TMEM114: variants seen among roughly 807,000 people sequenced by gnomAD.
The protein encoded by TMEM114 is claudin-26.
In TMEM114, 6 loss-of-function variants were observed where a neutral mutation model predicts 6.2. The observed-to-expected ratio is 0.97, with a 90% CI of 0.53 to 1.91. The LOEUF (loss-of-function observed/expected upper bound fraction) is 1.91. TMEM114 is among the 40% of genes most tolerant of loss of function. TMEM114 has a pLI of 0.01. For synonymous variants in TMEM114, 104 were observed against 73.0 expected (o/e 1.42, Z -2.16); for missense variants, 218 against 158.3 (o/e 1.38, Z -2.02).
intron 2 of TMEM114, among the ~76,000 whole-genome samples, chr16:8,572,935 G>A (rs1468779615): frequency 6.6e-6 from 1 of 152,158 alleles, no homozygotes; most frequent in East Asian, 1.9e-4. Context: ...TGGCATTTTG[G>A]GGACAGCACT....
downstream of TMEM114, among the ~76,000 whole-genome samples, chr16:8,566,132 A>G (rs372076401): frequency 1.6e-4 from 25 of 152,318 alleles, no homozygotes; most frequent in South Asian, 2.1e-4. Context: ...GCACTTTGGG[A>G]GGCCAAGGTA....
downstream of TMEM114, among the ~76,000 whole-genome samples, chr16:8,567,499 G>T (rs551354928): frequency 2.6e-5 from 4 of 152,308 alleles, no homozygotes; most frequent in East Asian, 7.7e-4. Context: ...ATTATTGCTC[G>T]CTTAGCAGAG....
chr16:8,586,388 T>C (rs781138961), intron 2 of TMEM114, among the ~76,000 whole-genome samples: 2 of 152,010 alleles, frequency 1.3e-5, no homozygotes, highest in African/African-American at 4.8e-5. Flanking sequence ...GATGTGAACA[T>C]TGAGGCTCAG....
downstream of TMEM114, among the ~76,000 whole-genome samples, chr16:8,564,878 GGAGTGAATGAGTGAGT>G (rs1278655314): frequency 4.1e-4 from 13 of 32,046 alleles, 1 homozygote; most frequent in African/African-American, 1.5e-3. Flanking sequence ...AGGGAGGGAG[GGAGTGAATGAGTGAGT>G]GAGTGAATGA....
At chr16:8,527,595 T>C in the TMEM114 span, among the ~76,000 whole-genome samples, 1 of 152,202 alleles carries the variant, frequency 6.6e-6, no homozygotes, top group Non-Finnish European at 1.5e-5. Context: ...GCATTGAAAC[T>C]GTATTCTGTG....
At chr16:8,588,643 G>A (rs992412921) in intron 2 of TMEM114, among the ~76,000 whole-genome samples, 29 of 152,206 alleles carry the variant, frequency 1.9e-4, no homozygotes, top group Non-Finnish European at 1.6e-4. Flanking sequence ...AGGAATAAGA[G>A]GGACGCAGTG....
chr16:8,549,561 TAAG>T (rs1157374301), intron 2 of TMEM114, among the ~76,000 whole-genome samples: 1 of 148,506 alleles, frequency 6.7e-6, no homozygotes, highest in Non-Finnish European at 1.5e-5. Flanking sequence ...CTGAGAAAAA[TAAG>T]AAAGTTCACA....
downstream of TMEM114, among the ~76,000 whole-genome samples, chr16:8,565,431 A>G (rs1901508544): frequency 6.6e-6 from 1 of 152,178 alleles, no homozygotes; most frequent in Non-Finnish European, 1.5e-5. Flanking sequence ...GAGAGCGGCC[A>G]GTTGTTTGCC....
downstream of TMEM114, among the ~76,000 whole-genome samples, chr16:8,567,066 A>ATTT (rs34500863): frequency 1.1e-3 from 157 of 144,434 alleles, no homozygotes; most frequent in Middle Eastern, 3.6e-3. Context: ...ACAGCTGGCT[A>ATTT]TTTTTTTTTT....
At chr16:8,550,209 G>C (rs149456512) in intron 2 of TMEM114, among the ~76,000 whole-genome samples, 54 of 152,268 alleles carry the variant, frequency 3.5e-4, no homozygotes, top group African/African-American at 1.3e-3. Context: ...CCACGTTGTG[G>C]GTGGGTCTTC....
intron 2 of TMEM114, among the ~76,000 whole-genome samples, chr16:8,560,975 G>T (rs1182130011): frequency 6.6e-6 from 1 of 152,222 alleles, no homozygotes; most frequent in East Asian, 1.9e-4. Flanking sequence ...ATCACAGCAG[G>T]CGAGACAGGG....
At chr16:8,563,033 T>A (rs369295900) in intron 2 of TMEM114, among the ~76,000 whole-genome samples, 2 of 139,182 alleles carry the variant, frequency 1.4e-5, no homozygotes, top group East Asian at 2.1e-4. Flanking sequence ...AGGGAATGAG[T>A]GAGTGAATGA....
At chr16:8,540,359 G>A (rs538363960) in intron 2 of TMEM114, among the ~76,000 whole-genome samples, 1 of 152,292 alleles carries the variant, frequency 6.6e-6, no homozygotes, top group East Asian at 1.9e-4. Flanking sequence ...TCGCTCGCCT[G>A]CTGGGTATCA....
rs377003825 is a variant in TMEM114 at position 8,551,683 on chromosome 16, G to C, written n.213-13857C>G. ...ATTCATCTTTTCAAAACCTTTCATA[G>C]AGTAGCGCAATTGATATTATGAGAG... On this transcript the variant is annotated intron_variant and non_coding_transcript_variant, in intron 2 of 2. Transcript: ENST00000623677. Among the ~76,000 whole-genome samples, 7 of 152,332 alleles carry C rather than the reference G, an allele frequency of 4.6e-5. No individual in the cohort carries two copies. The South Asian group carries it at 6.2e-4, about 14-fold the overall frequency.
intron 2 of TMEM114, among the ~76,000 whole-genome samples, chr16:8,564,067 G>C (rs1236364754): frequency 6.7e-6 from 1 of 148,586 alleles, no homozygotes; most frequent in Non-Finnish European, 1.5e-5. Flanking sequence ...GTAAATGAGT[G>C]AGTGAGTGCA....
At chr16:8,579,913 C>G (rs190160655) in intron 2 of TMEM114, among the ~76,000 whole-genome samples, 26 of 152,100 alleles carry the variant, frequency 1.7e-4, no homozygotes, top group Admixed American at 3.3e-4. Context: ...GAAGTTAAAG[C>G]CTTCCTGAGT....
intron 2 of TMEM114, among the ~76,000 whole-genome samples, chr16:8,578,950 G>C (rs1361126514): frequency 6.6e-6 from 1 of 152,122 alleles, no homozygotes; most frequent in African/African-American, 2.4e-5. Flanking sequence ...CTGCACTCTA[G>C]CCTGGGTGAC....
At chr16:8,558,124 A>C (rs2141665749) in intron 2 of TMEM114, among the ~76,000 whole-genome samples, 1 of 152,268 alleles carries the variant, frequency 6.6e-6, no homozygotes, top group East Asian at 1.9e-4. Context: ...TGTGTGGTGC[A>C]TGCTTGTAAT....
chr16:8,573,248 G>T (rs2141686518), intron 2 of TMEM114, among the ~76,000 whole-genome samples: 1 of 152,284 alleles, frequency 6.6e-6, no homozygotes. Flanking sequence ...GATAACCAAA[G>T]TGAAGGGAGA....
Sources: gnomAD v4.1 joint callset for allele counts (sites outside exome capture counted in the v4.1 genomes callset) on GRCh38, gnomAD v4.1.1 for gene constraint, MANE v1.5 for transcripts, NCBI Gene and HGNC (gene_info 2026-07-23, HGNC 2026-07-21) for gene names.